OMA1: variants seen among roughly 807,000 people sequenced by gnomAD.
The protein encoded by OMA1 is metalloendopeptidase OMA1, mitochondrial.
OMA1 carries 38 observed loss-of-function variants against 30.9 expected under a neutral mutation model. The observed-to-expected ratio is 1.23, with a 90% confidence interval of 0.95 to 1.61. The LOEUF (loss-of-function observed/expected upper bound fraction) is 1.61, where lower values mean the gene tolerates loss of function less well. OMA1 is among the 40% of genes most tolerant of loss of function. The pLI is 0.00. For synonymous variants in OMA1, 173 were observed against 121.9 expected (o/e 1.42, Z -2.76); for missense variants, 461 against 349.2 (o/e 1.32, Z -2.55).
Position 58,536,552 on chromosome 1 carries a change from T to C in OMA1, c.690A>G (p.Lys230=). The C allele has an allele frequency of 1.1e-6, 1 of 872,892 alleles. No homozygotes were observed. The highest frequency in any genetic ancestry group is 2.0e-6 in the Non-Finnish European group (1 of 501,620). 54.1% of individuals were successfully genotyped at this position (872,892 alleles called of 1,614,324 possible). The change falls in exon 3 of 9, where the codon AAA becomes AAG. Residue 230 remains lysine (K), a synonymous_variant. Transcript: ENST00000371226. The part of the protein sequence containing the change: ...TGRSKLLLLG[K]EQFRLLSELE... ...GTTCCGATAAAAGTCTGAACTGTTC[T>C]TTCCCCAATAATAGTAGCTTGCTCC...
At chr1:58,489,514 G>A (rs1440913167) in intron 8 of OMA1, among the ~76,000 whole-genome samples, 2 of 152,100 alleles carry the variant, frequency 1.3e-5, no homozygotes, top group Admixed American at 6.5e-5. Context: ...CCACCTCTGG[G>A]GGCAGGGCAT....
intron 5 of OMA1, 94 bp downstream of exon 5, chr1:58,533,859 T>TA (rs1201958334): frequency 7.8e-6 from 6 of 764,586 alleles, no homozygotes; most frequent in Non-Finnish European, 1.4e-5. Context: ...CTATCATTTT[T>TA]AAAAAACCTG....
chr1:58,514,140 T>C (rs909431519), intron 7 of OMA1, among the ~76,000 whole-genome samples: 7 of 152,162 alleles, frequency 4.6e-5, no homozygotes, highest in Admixed American at 1.3e-4. Flanking sequence ...AAATGCTATG[T>C]TTGGTCCTAA....
chr1:58,531,725 T>C (rs374415760), intron 5 of OMA1, among the ~76,000 whole-genome samples: 7,322 of 148,696 alleles, frequency 0.049, 225 homozygotes, highest in African/African-American at 0.066. Context: ...TCTTTTTTTT[T>C]TTGAGACAGA....
chr1:58,481,296 AG>A, intron 8 of OMA1, 122 bp from the exon 9 acceptor site: 2 of 418,830 alleles, frequency 4.8e-6, no homozygotes, highest in Non-Finnish European at 8.3e-6. Flanking sequence ...TTTTAATAAA[AG>A]GTATCTTGAT....
At chr1:58,484,271 A>C (rs1224742312) in intron 8 of OMA1, among the ~76,000 whole-genome samples, 1 of 152,196 alleles carries the variant, frequency 6.6e-6, no homozygotes, top group African/African-American at 2.4e-5. Flanking sequence ...CTGCTATAAA[A>C]ACTTTTCTTT....
chr1:58,502,726 C>A (rs768011283), intron 8 of OMA1, among the ~76,000 whole-genome samples: 9 of 152,180 alleles, frequency 5.9e-5, no homozygotes, highest in Non-Finnish European at 1.2e-4. Flanking sequence ...GAATTCCAAT[C>A]TTTGAGTTAT....
intron 8 of OMA1, among the ~76,000 whole-genome samples, chr1:58,503,385 G>A (rs1375171472): frequency 6.6e-6 from 1 of 151,874 alleles, no homozygotes; most frequent in Non-Finnish European, 1.5e-5. Flanking sequence ...CTTTTAAGAG[G>A]AATAATTACT....
intron 7 of OMA1, among the ~76,000 whole-genome samples, chr1:58,523,527 G>T (rs1483244917): frequency 6.6e-6 from 1 of 152,122 alleles, no homozygotes; most frequent in Non-Finnish European, 1.5e-5. Context: ...GTGTTTGGGG[G>T]CAAGTAGACC....
chr1:58,486,513 TCCTG>T (rs1409559229), intron 8 of OMA1, among the ~76,000 whole-genome samples: 2 of 152,210 alleles, frequency 1.3e-5, no homozygotes, highest in African/African-American at 4.8e-5. Flanking sequence ...ATATTGCTTA[TCCTG>T]CCTATTATTA....
intron 8 of OMA1, among the ~76,000 whole-genome samples, chr1:58,490,885 A>C (rs1297453592): frequency 1.5e-5 from 2 of 134,592 alleles, no homozygotes; most frequent in Non-Finnish European, 3.1e-5. Context: ...GGCTCACAGC[A>C]AGCTCTGCCT....
chr1:58,524,238 C>T (rs1646314846), intron 7 of OMA1, among the ~76,000 whole-genome samples: 1 of 152,168 alleles, frequency 6.6e-6, no homozygotes, highest in Admixed American at 6.6e-5. Context: ...GCATTAAAAA[C>T]CTGTTCCGGC....
intron 8 of OMA1, among the ~76,000 whole-genome samples, chr1:58,489,172 T>A (rs11207241): frequency 0.15 from 23,074 of 151,982 alleles, 1,981 homozygotes; most frequent in Admixed American, 0.26. Context: ...GTGCAACGGG[T>A]CAGGGAATTC....
At chr1:58,482,847 G>A (rs1377649404) in intron 8 of OMA1, among the ~76,000 whole-genome samples, 4 of 152,100 alleles carry the variant, frequency 2.6e-5, no homozygotes, top group Non-Finnish European at 5.9e-5. Flanking sequence ...GCAGGGTGGA[G>A]GGCAGGAGCA....
chr1:58,501,320 A>G (rs569208030), intron 8 of OMA1, among the ~76,000 whole-genome samples: 2 of 152,328 alleles, frequency 1.3e-5, no homozygotes, highest in African/African-American at 4.8e-5. Context: ...TATTTTCTGA[A>G]CAATATATTA....
At chr1:58,528,784 C>G (rs1022673746) in intron 6 of OMA1, among the ~76,000 whole-genome samples, 1 of 152,200 alleles carries the variant, frequency 6.6e-6, no homozygotes, top group Non-Finnish European at 1.5e-5. Flanking sequence ...TCTCTGCTCT[C>G]CAATCACAGT....
At chr1:58,483,315 G>C (rs560152813) in intron 8 of OMA1, among the ~76,000 whole-genome samples, 55 of 152,136 alleles carry the variant, frequency 3.6e-4, no homozygotes, top group Non-Finnish European at 5.3e-4. Flanking sequence ...GGGTATGGTA[G>C]GGGCACAGGT....
At chr1:58,516,161 C>T (rs1347749145) in intron 7 of OMA1, among the ~76,000 whole-genome samples, 1 of 152,036 alleles carries the variant, frequency 6.6e-6, no homozygotes, top group African/African-American at 2.4e-5. Context: ...TCAATAATTC[C>T]CCCCACTTCC....
At chr1:58,488,587 G>C (rs1197773239) in intron 8 of OMA1, among the ~76,000 whole-genome samples, 1 of 152,194 alleles carries the variant, frequency 6.6e-6, no homozygotes, top group Non-Finnish European at 1.5e-5. Context: ...GAGTAGCTGG[G>C]ATTACAGGCA....
Sources: gnomAD v4.1 joint callset for allele counts (sites outside exome capture counted in the v4.1 genomes callset) on GRCh38, gnomAD v4.1.1 for gene constraint, MANE v1.5 for transcripts, NCBI Gene and HGNC (gene_info 2026-07-23, HGNC 2026-07-21) for gene names.